The following GRIK2 variants were observed in gnomAD, a reference collection of about 807,000 sequenced individuals.
GRIK2 encodes the protein glutamate ionotropic receptor kainate type subunit 2, also known as glutamate receptor ionotropic, kainate 2.
GRIK2 carries 32 observed loss-of-function variants against 100.3 expected under a neutral mutation model. The ratio of observed to expected loss-of-function variants is 0.32; its 90% CI spans 0.24 to 0.43. The LOEUF is 0.43. GRIK2 is among the 20% of genes least tolerant of loss of function. The pLI is 1.00. For synonymous variants in GRIK2, 417 were observed against 389.4 expected (o/e 1.07, Z -0.83); for missense variants, 843 against 1,114.9 (o/e 0.76, Z 3.47).
At chr6:101,466,556 A>G (rs975405779) in intron 2 of GRIK2, among the ~76,000 whole-genome samples, 5 of 151,938 alleles carry the variant, frequency 3.3e-5, no homozygotes, top group African/African-American at 1.2e-4. Flanking sequence ...CGAAATATTA[A>G]CAACAAAGCT....
At chr6:101,635,824 T>C (rs1413349538) in intron 4 of GRIK2, among the ~76,000 whole-genome samples, 3 of 152,098 alleles carry the variant, frequency 2.0e-5, no homozygotes, top group Non-Finnish European at 4.4e-5. Context: ...CCAATTAGAA[T>C]AGCAATCATT....
At chr6:101,892,342 G>A (rs1249477414) in intron 12 of GRIK2, among the ~76,000 whole-genome samples, 1 of 152,074 alleles carries the variant, frequency 6.6e-6, no homozygotes, top group Non-Finnish European at 1.5e-5. Flanking sequence ...AAGTACATTT[G>A]CAAATAGAGG....
At chr6:101,789,170 G>A (rs1779649410) in intron 7 of GRIK2, among the ~76,000 whole-genome samples, 1 of 151,738 alleles carries the variant, frequency 6.6e-6, no homozygotes, top group South Asian at 2.1e-4. Flanking sequence ...TGTTCACTCT[G>A]ATAGTAGTTT....
At chr6:101,610,191 GTAAA>G (rs1295168816) in intron 2 of GRIK2, among the ~76,000 whole-genome samples, 2 of 151,284 alleles carry the variant, frequency 1.3e-5, no homozygotes, top group African/African-American at 4.8e-5. Context: ...AAACTGCAAA[GTAAA>G]TAGGTAAGAA....
chr6:101,436,363 T>C (rs1769711231), intron 2 of GRIK2, among the ~76,000 whole-genome samples: 3 of 129,074 alleles, frequency 2.3e-5, no homozygotes, highest in African/African-American at 8.2e-5. Flanking sequence ...ACTGAAAAGA[T>C]AATGATTTTT....
At chr6:101,854,218 C>G (rs978478899) in intron 10 of GRIK2, among the ~76,000 whole-genome samples, 2 of 152,090 alleles carry the variant, frequency 1.3e-5, no homozygotes, top group Non-Finnish European at 2.9e-5. Flanking sequence ...ACCTTCTGCT[C>G]AGTTTTGCTG....
At chr6:101,437,824 T>C (rs1215389885) in intron 2 of GRIK2, among the ~76,000 whole-genome samples, 2 of 152,092 alleles carry the variant, frequency 1.3e-5, no homozygotes, top group Non-Finnish European at 2.9e-5. Context: ...ATCATTCTAA[T>C]AGAGTGCCTG....
intron 2 of GRIK2, among the ~76,000 whole-genome samples, chr6:101,413,676 G>A (rs1218236840): frequency 6.6e-6 from 1 of 151,920 alleles, no homozygotes; most frequent in Non-Finnish European, 1.5e-5. Flanking sequence ...TTCTGTTTCA[G>A]TATTTCAATT....
At position 102,069,295 on chromosome 6, in the gene GRIK2, A is replaced by T. The variant is rs1397032243; in HGVS notation, c.*784A>T. ...ACCTTTTCTCTAACCCCCATATCCC[A>T]AATAATAATAATAATAATAATAATA... On this transcript the variant is annotated 3_prime_UTR_variant, in exon 17 of 17. Transcript: ENST00000369134. 4 of 139,508 alleles carry T rather than the reference A, an allele frequency of 2.9e-5. No homozygotes were observed. The highest frequency in any genetic ancestry group is 7.3e-5 in the Admixed American group (1 of 13,646). 8.6% of individuals were successfully genotyped at this position (139,508 alleles called of 1,614,324 possible).
intron 11 of GRIK2, among the ~76,000 whole-genome samples, chr6:101,881,681 T>TAA (rs199888236): frequency 7.2e-6 from 1 of 138,772 alleles, no homozygotes; most frequent in Non-Finnish European, 1.6e-5. Context: ...AACACATCTC[T>TAA]AAAAAAAAAA....
chr6:101,708,395 A>G (rs1282762318), intron 7 of GRIK2, among the ~76,000 whole-genome samples: 1 of 151,744 alleles, frequency 6.6e-6, no homozygotes, highest in Admixed American at 6.6e-5. Flanking sequence ...TTAATAAAAT[A>G]TATAAAGTTG....
At chr6:101,737,358 C>T (rs921512514) in intron 7 of GRIK2, among the ~76,000 whole-genome samples, 2 of 152,100 alleles carry the variant, frequency 1.3e-5, no homozygotes, top group African/African-American at 2.4e-5. Flanking sequence ...GGTCAATTTA[C>T]AAAAGAAAGA....
intron 4 of GRIK2, among the ~76,000 whole-genome samples, chr6:101,639,487 G>A (rs766073932): frequency 1.3e-5 from 2 of 151,892 alleles, no homozygotes; most frequent in Non-Finnish European, 2.9e-5. Context: ...AAATGACCAT[G>A]TTAGACTTAT....
chr6:101,496,625 G>C (rs143828161), intron 2 of GRIK2, among the ~76,000 whole-genome samples: 1 of 152,272 alleles, frequency 6.6e-6, no homozygotes, highest in African/African-American at 2.4e-5. Context: ...CCTTTTTAAA[G>C]TAATAAGGTT....
At chr6:101,507,938 A>G (rs1774105383) in intron 2 of GRIK2, among the ~76,000 whole-genome samples, 1 of 152,226 alleles carries the variant, frequency 6.6e-6, no homozygotes, top group Non-Finnish European at 1.5e-5. Context: ...TGGATGCATC[A>G]AATACTATAT....
intron 2 of GRIK2, among the ~76,000 whole-genome samples, chr6:101,595,565 A>C (rs1245710569): frequency 6.6e-6 from 1 of 151,504 alleles, no homozygotes; most frequent in Non-Finnish European, 1.5e-5. Context: ...GAATGTAAGA[A>C]TAGGGATTTT....
At chr6:101,928,090 C>G in intron 13 of GRIK2, 1 of 252,490 alleles carries the variant, frequency 4.0e-6, no homozygotes, top group Non-Finnish European at 7.7e-6. Context: ...GGTTTATAAA[C>G]CAGAAAGCCT....
intron 10 of GRIK2, among the ~76,000 whole-genome samples, chr6:101,829,504 T>C (rs7754697): frequency 0.18 from 27,916 of 151,768 alleles, 4,600 homozygotes; most frequent in African/African-American, 0.45. Flanking sequence ...CCCTGAAGAT[T>C]CCTCCAAGGA....
At chr6:101,767,318 G>A (rs1284411604) in intron 7 of GRIK2, among the ~76,000 whole-genome samples, 1 of 151,934 alleles carries the variant, frequency 6.6e-6, no homozygotes, top group Admixed American at 6.6e-5. Flanking sequence ...CTCACAGAAT[G>A]TAGAAATATA....
Sources: allele counts gnomAD v4.1 joint callset (sites outside exome capture counted in the v4.1 genomes callset), GRCh38; gene constraint gnomAD v4.1.1; transcripts MANE v1.5; gene names NCBI Gene and HGNC (gene_info 2026-07-23, HGNC 2026-07-21).